NCS1: variants seen among roughly 807,000 people sequenced by gnomAD.
NCS1 encodes neuronal calcium sensor 1.
A neutral mutation model predicts 28.4 loss-of-function variants in NCS1; 6 were observed. The observed-to-expected ratio is 0.21, with a 90% CI of 0.12 to 0.42. The LOEUF (loss-of-function observed/expected upper bound fraction) is 0.42. Ranked by LOEUF, NCS1 falls within the 10% of genes least tolerant of loss-of-function variation. NCS1 has a pLI of 1.00. For synonymous variants in NCS1, 86 were observed against 99.3 expected, an observed-to-expected ratio of 0.87 and a Z score of 0.79; for missense variants, 131 against 241.4, an observed-to-expected ratio of 0.54 and a Z score of 3.03.
intron 2 of NCS1, among the ~76,000 whole-genome samples, chr9:130,208,478 C>A (rs187118877): frequency 0.011 from 1,643 of 152,128 alleles, 24 homozygotes; most frequent in African/African-American, 0.037. Context: ...GGGGGTTTCA[C>A]GTTGGCCAGG....
chr9:130,215,876 A>G lies in NCS1; in HGVS notation c.90-1956A>G, dbSNP rs561050138. On this transcript the variant is annotated intron_variant, in intron 2 of 7. Coordinates refer to ENST00000372398, the MANE Select transcript of NCS1 (RefSeq NM_014286.4). This position sits in a 1 kb window ranked among gnomAD's most constrained non-coding sequence, Gnocchi z 4.2. ...CTGCTGGGACGGTCATGTGCCCGCT[A>G]TGGTCTGACTCAAGAAGAACTGCCC... Among the ~76,000 whole-genome samples, 5 of 152,006 alleles carry G rather than the reference A, an allele frequency of 3.3e-5. No individual in the cohort carries two copies. The highest frequency in any genetic ancestry group is 2.1e-4 in the South Asian group (1 of 4,810).
chr9:130,207,010 GTC>G (rs1833032585), intron 2 of NCS1, among the ~76,000 whole-genome samples: 1 of 152,150 alleles, frequency 6.6e-6, no homozygotes, highest in Non-Finnish European at 1.5e-5. Flanking sequence ...GGCTCCCCTT[GTC>G]TCTGCACACA....
At position 130,180,386 on chromosome 9, in the gene NCS1, C is replaced by A. The variant is rs1000557203; in HGVS notation, c.64+7659C>A. On this transcript the variant is annotated intron_variant, in intron 1 of 7. Transcript: ENST00000372398. The surrounding 1 kb of genome is among the most constrained non-coding windows in gnomAD (Gnocchi z 4.5). ...GTCTTCTGCTGGGGTTCATCTTGCC[C>A]CAGATATCTCTAGCACTCTGGTAAG... Among the ~76,000 whole-genome samples, 3 of 152,032 alleles carry A rather than the reference C, an allele frequency of 2.0e-5. No homozygotes were observed. Among genetic ancestry groups the A allele is most frequent in the African/African-American group, 7.2e-5 (3 of 41,382 alleles).
chr9:130,177,512 C>G lies in NCS1; in HGVS notation c.64+4785C>G, dbSNP rs974194172. 6.6e-6 allele frequency among the ~76,000 whole-genome samples: 1 copy of G among 152,182 alleles called. No homozygotes were observed. The highest frequency in any genetic ancestry group is 2.4e-5 in the African/African-American group (1 of 41,448). ...CGGCCGTCCCTGTACATCCCGTGTG[C>G]GTGGGCATGAACCAAGGAGGCCTTT... On this transcript the variant is annotated intron_variant, in intron 1 of 7. Transcript: ENST00000372398. This position sits in a 1 kb window ranked among gnomAD's most constrained non-coding sequence, Gnocchi z 4.4.
At chr9:130,194,877 G>T (rs782703470) in intron 1 of NCS1, among the ~76,000 whole-genome samples, 3 of 152,228 alleles carry the variant, frequency 2.0e-5, no homozygotes, top group Non-Finnish European at 2.9e-5. Context: ...TGAGAAACAC[G>T]TTTGAGGATG....
intron 4 of NCS1, among the ~76,000 whole-genome samples, chr9:130,221,399 T>TAATATTTA (rs1286299307): frequency 4.0e-5 from 2 of 50,008 alleles, no homozygotes; most frequent in African/African-American, 1.4e-4. Context: ...TATATATATA[T>TAATATTTA]ATATATATAT....
Position 130,226,754 on chromosome 9 carries a change from C to G in NCS1, c.*17+250C>G, listed in dbSNP as rs534826398. On this transcript the variant is annotated intron_variant, in intron 7 of 7. Transcript: ENST00000372398. This position sits in a 1 kb window ranked among gnomAD's most constrained non-coding sequence, Gnocchi z 4.8. ...TGCTTGAACAGAATTTTTCTGGGCGCGGTGGCTCACGCCTGTAATCCCAGC... is the reference window on the plus strand; with the variant it reads ...TGCTTGAACAGAATTTTTCTGGGCGGGGTGGCTCACGCCTGTAATCCCAGC... Among the ~76,000 whole-genome samples, 2 of 152,070 alleles carry G rather than the reference C, an allele frequency of 1.3e-5. No homozygotes were observed. Among genetic ancestry groups the G allele is most frequent in the Non-Finnish European group, 2.9e-5 (2 of 68,018 alleles).
intron 1 of NCS1, among the ~76,000 whole-genome samples, chr9:130,182,049 T>G (rs1193224500): frequency 1.3e-5 from 2 of 151,776 alleles, no homozygotes; most frequent in South Asian, 2.1e-4. Flanking sequence ...TAGGGGAGTA[T>G]TGTGGTTGGG....
Position 130,192,712 on chromosome 9 carries a change from G to T in NCS1, c.65-8246G>T, listed in dbSNP as rs1399248226. 6.6e-6 allele frequency among the ~76,000 whole-genome samples: 1 copy of T among 152,158 alleles called. No individual in the cohort carries two copies. The highest frequency in any genetic ancestry group is 6.5e-5 in the Admixed American group (1 of 15,282). On this transcript the variant is annotated intron_variant, in intron 1 of 7. Transcript: ENST00000372398. The surrounding 1 kb of genome is among the most constrained non-coding windows in gnomAD (Gnocchi z 4.8). ...TGATGCTGCCGTGTGACTCCAGGGA[G>T]GTTCTCCCCCAGGAGCCGGTGCTGC...
chr9:130,176,212 A>G (rs1360022524), intron 1 of NCS1, among the ~76,000 whole-genome samples: 3 of 51,152 alleles, frequency 5.9e-5, no homozygotes, highest in African/African-American at 1.8e-4. Context: ...TTTTTTTTGG[A>G]GACAGGGTCT....
At chr9:130,190,918 T>A (rs538333184) in intron 1 of NCS1, among the ~76,000 whole-genome samples, 64 of 152,284 alleles carry the variant, frequency 4.2e-4, no homozygotes, top group Non-Finnish European at 7.1e-4. Context: ...AACGGGGCTT[T>A]GATTTTGAAT....
At chr9:130,208,013 C>T (rs1554908315) in intron 2 of NCS1, among the ~76,000 whole-genome samples, 2 of 152,070 alleles carry the variant, frequency 1.3e-5, no homozygotes, top group Non-Finnish European at 2.9e-5. Flanking sequence ...GATCAGGAAC[C>T]ACAATGAGGG....
intron 2 of NCS1, among the ~76,000 whole-genome samples, chr9:130,213,736 G>GCACGT (rs1211368042): frequency 5.3e-5 from 8 of 152,046 alleles, no homozygotes; most frequent in Admixed American, 1.3e-4. Flanking sequence ...GAGACATGAG[G>GCACGT]CACGTGCTTA....
Position 130,236,947 on chromosome 9 carries a change from C to T in NCS1, c.*3975C>T, listed in dbSNP as rs2131170109. 6.6e-6 allele frequency: 1 copy of T among 152,392 alleles called. No homozygotes were observed. The highest frequency in any genetic ancestry group is 1.9e-4 in the East Asian group (1 of 5,182). The allele number at this position is 152,392 out of a possible 1,614,324, so 9.4% of individuals were successfully genotyped here. A position where few individuals can be genotyped will look rare whatever the true frequency, so the allele number is the denominator to read the frequency against. On this transcript the variant is annotated 3_prime_UTR_variant, in exon 8 of 8. Coordinates refer to ENST00000372398, the MANE Select transcript of NCS1 (RefSeq NM_014286.4). ...CCAAATGTGAGTGTCATCATCAAAG[C>T]CCCTCACAGAAGTGGAGGACGGTGC...
rs1390123953 is a variant in NCS1 at position 130,177,557 on chromosome 9, C to T, written c.64+4830C>T. ...GCCTTTCCTTTCTCTGACAGTGGAGCAGAGCAGCAGCAGGAGAGACTGAGG... is the reference window on the plus strand; with the variant it reads ...GCCTTTCCTTTCTCTGACAGTGGAGTAGAGCAGCAGCAGGAGAGACTGAGG... On this transcript the variant is annotated intron_variant, in intron 1 of 7. Transcript: ENST00000372398. This position sits in a 1 kb window ranked among gnomAD's most constrained non-coding sequence, Gnocchi z 4.4. Among the ~76,000 whole-genome samples the T allele has an allele frequency of 3.3e-5, 5 of 152,214 alleles. No individual in the cohort carries two copies. The highest frequency in any genetic ancestry group is 1.2e-4 in the African/African-American group (5 of 41,448).
Position 130,172,550 on chromosome 9 carries a change from C to A in NCS1, c.-114C>A. On this transcript the variant is annotated 5_prime_UTR_variant, in exon 1 of 8. Coordinates refer to ENST00000372398, the MANE Select transcript of NCS1 (RefSeq NM_014286.4). ...CGGCGCCGACAGCCGCGCAGCGCAG[C>A]GCGGGCGCCGCAGACAAAGGCGCGG... is the stretch of plus-strand genomic sequence containing the variant. 5.4e-6 allele frequency: 2 copies of A among 370,654 alleles called. No individual in the cohort carries two copies. Among genetic ancestry groups the A allele is most frequent in the Non-Finnish European group, 7.5e-6 (2 of 266,156 alleles). The allele number at this position is 370,654 out of a possible 1,614,324, so 23.0% of individuals were successfully genotyped here. A position where few individuals can be genotyped will look rare whatever the true frequency, so the allele number is the denominator to read the frequency against.
chr9:130,197,282 AT>A (rs1554906954), intron 1 of NCS1, among the ~76,000 whole-genome samples: 1 of 152,212 alleles, frequency 6.6e-6, no homozygotes, highest in African/African-American at 2.4e-5. Flanking sequence ...TATGGATATT[AT>A]TGCTTAGGCT....
chr9:130,178,529 G>A (rs1405707312), intron 1 of NCS1, among the ~76,000 whole-genome samples: 1 of 152,206 alleles, frequency 6.6e-6, no homozygotes, highest in African/African-American at 2.4e-5. Context: ...GGCAAGGCAT[G>A]GGCAGTGGAG....
chr9:130,200,527 C>G (rs1280037095), intron 1 of NCS1: 8 of 1,546,868 alleles, frequency 5.2e-6, no homozygotes, highest in African/African-American at 4.1e-5. Flanking sequence ...CCCCCACCCC[C>G]CCACATAGGT....
Sources: allele counts gnomAD v4.1 joint callset (sites outside exome capture counted in the v4.1 genomes callset), GRCh38; gene constraint gnomAD v4.1.1; non-coding constraint Gnocchi (gnomAD v3.1); transcripts MANE v1.5; gene names NCBI Gene and HGNC (gene_info 2026-07-23, HGNC 2026-07-21).